The following SYN3 variants were observed in gnomAD, a reference collection of about 807,000 sequenced individuals.
The protein encoded by SYN3 is synapsin III, also known as synapsin-3.
Under a neutral mutation model 65.8 loss-of-function variants are expected in SYN3, and 35 were observed. That is an observed-to-expected ratio of 0.53 (90% CI 0.41 to 0.70). SYN3 has a LOEUF of 0.70. Among genes scored for constraint, SYN3 ranks in the 30% least tolerant of loss-of-function variants. The pLI is 0.00. For synonymous variants in SYN3, 270 were observed against 292.9 expected (o/e 0.92, Z 0.80); for missense variants, 680 against 749.0 (o/e 0.91, Z 1.08).
At chr22:32,931,196 C>T (rs144244966) in intron 4 of SYN3, 194 bp downstream of exon 4, 266 of 516,518 alleles carry the variant, frequency 5.1e-4, no homozygotes, top group African/African-American at 4.5e-3. Flanking sequence ...CACTTGGGGA[C>T]ACCACAGGTG....
chr22:32,995,915 T>C (rs1477349142), intron 2 of SYN3, among the ~76,000 whole-genome samples: 1 of 152,078 alleles, frequency 6.6e-6, no homozygotes, highest in African/African-American at 2.4e-5. Context: ...CCTCCCAAAG[T>C]GCTGAGATTA....
chr22:32,831,149 G>A lies in SYN3; in HGVS notation c.711+33766C>T, dbSNP rs185456460. ...ATCAAGGTGGCAGCGTGACCCTTAT[G>A]CCTCAAGCATGTCCTTCAGGAGGGT... On this transcript the variant is annotated intron_variant, in intron 6 of 13. Transcript: ENST00000358763. Among the ~76,000 whole-genome samples, 26 of 152,270 alleles carry A rather than the reference G, an allele frequency of 1.7e-4. No homozygotes were observed. In the East Asian group the frequency reaches 3.7e-3, roughly 22 times the overall value.
intron 6 of SYN3, among the ~76,000 whole-genome samples, chr22:32,795,633 G>A (rs373616773): frequency 6.6e-6 from 1 of 152,188 alleles, no homozygotes; most frequent in Admixed American, 6.5e-5. Flanking sequence ...GTAGGCCTGG[G>A]AGAGTGTGGA....
intron 7 of SYN3, among the ~76,000 whole-genome samples, chr22:32,586,111 T>TAC (rs1322450533): frequency 2.7e-5 from 4 of 148,532 alleles, no homozygotes; most frequent in Non-Finnish European, 4.5e-5. Flanking sequence ...TATACATGTA[T>TAC]ATGTATATAT....
At position 32,541,627 on chromosome 22, in the gene SYN3, G is replaced by T. The variant is rs746046047; in HGVS notation, c.861C>A (p.Ile287=). Reference sequence around the variant, plus strand: ...GGATGCGGATGTCGTACTTGGAGTCGATGAAGGCCTCGGTGGTGGCGTAGG... The same window carrying T: ...GGATGCGGATGTCGTACTTGGAGTCTATGAAGGCCTCGGTGGTGGCGTAGG... ...AKTYATTEAF[I]DSKYDIRIQK... The change falls in exon 8 of 14, where the codon ATC becomes ATA. Residue 287 remains isoleucine, a synonymous_variant. Coordinates refer to ENST00000358763, the MANE Select transcript of SYN3 (RefSeq NM_003490.4). 1 of 1,613,984 alleles carries T rather than the reference G, an allele frequency of 6.2e-7. No homozygotes were observed. Among genetic ancestry groups the T allele is most frequent in the African/African-American group, 1.3e-5 (1 of 74,886 alleles).
At chr22:32,886,077 G>A (rs1445576249) in intron 4 of SYN3, among the ~76,000 whole-genome samples, 2 of 152,154 alleles carry the variant, frequency 1.3e-5, no homozygotes, top group African/African-American at 4.8e-5. Context: ...TATTTTCATG[G>A]ACAGCCATAT....
chr22:32,532,040 A>G (rs1003480690), intron 10 of SYN3, among the ~76,000 whole-genome samples: 4 of 150,968 alleles, frequency 2.6e-5, no homozygotes, highest in Non-Finnish European at 5.9e-5. Context: ...CCGGAGAGGT[A>G]GGGGCTCACA....
chr22:32,701,563 G>A (rs1009398237), intron 6 of SYN3, among the ~76,000 whole-genome samples: 2 of 152,132 alleles, frequency 1.3e-5, no homozygotes, highest in Admixed American at 1.3e-4. Context: ...AAAACATGAA[G>A]CTGATGAAGA....
intron 6 of SYN3, among the ~76,000 whole-genome samples, chr22:32,714,042 G>A (rs1181499343): frequency 1.3e-5 from 2 of 152,170 alleles, no homozygotes; most frequent in African/African-American, 4.8e-5. Context: ...GCTTGATTCT[G>A]TACACAGCTC....
chr22:32,928,854 T>G (rs764216147), intron 4 of SYN3, among the ~76,000 whole-genome samples: 1 of 152,254 alleles, frequency 6.6e-6, no homozygotes, highest in South Asian at 2.1e-4. Flanking sequence ...TTTCTCTCTG[T>G]GCTTCCTTCA....
rs191293675 is a variant in SYN3 at position 32,801,885 on chromosome 22, G to A, written c.711+63030C>T. The stretch of plus-strand genomic sequence containing the variant: ...GGAGGGCAGCGCGCCGGAGGCCAAG[G>A]TTGCCCCGCACGGCCCGGCGGGCGA... On this transcript the variant is annotated intron_variant, in intron 6 of 13. Coordinates refer to ENST00000358763, the MANE Select transcript of SYN3 (RefSeq NM_003490.4). This position sits in a 1 kb window ranked among gnomAD's most constrained non-coding sequence, Gnocchi z 4.7. The A allele has an allele frequency of 1.7e-3, 2,311 of 1,326,686 alleles. 21 individuals carry two copies. The African/African-American group carries it at 0.023, about 13-fold the overall frequency. The allele number at this position is 1,326,686 out of a possible 1,614,324, so 82.2% of individuals were successfully genotyped here. A position where few individuals can be genotyped will look rare whatever the true frequency, so the allele number is the denominator to read the frequency against.
chr22:32,604,604 G>GGCCAA (rs2059340274), intron 6 of SYN3, among the ~76,000 whole-genome samples: 7 of 112,230 alleles, frequency 6.2e-5, no homozygotes, highest in Non-Finnish European at 7.4e-5. Flanking sequence ...CTGAAATTCT[G>GGCCAA]TCCCTGAAAA....
intron 6 of SYN3, among the ~76,000 whole-genome samples, chr22:32,721,426 T>TCATC (rs561324782): frequency 0.017 from 2,515 of 152,110 alleles, 64 homozygotes; most frequent in African/African-American, 0.052. Flanking sequence ...CCCCCAGAAA[T>TCATC]CATCCATCCA....
chr22:32,728,311 C>A, intron 6 of SYN3, among the ~76,000 whole-genome samples: 1 of 152,166 alleles, frequency 6.6e-6, no homozygotes, highest in South Asian at 2.1e-4. Context: ...AGTTTAATTG[C>A]CTATTTCTCC....
chr22:32,915,071 A>G (rs1246237734), intron 4 of SYN3, among the ~76,000 whole-genome samples: 3 of 152,148 alleles, frequency 2.0e-5, no homozygotes, highest in Non-Finnish European at 4.4e-5. Context: ...TATTCATTCA[A>G]TGAGAACACA....
chr22:32,955,660 T>C (rs2051430974), intron 3 of SYN3, among the ~76,000 whole-genome samples: 2 of 152,286 alleles, frequency 1.3e-5, no homozygotes, highest in South Asian at 4.2e-4. Flanking sequence ...TTACCACTTG[T>C]GATGGTTAAT....
intron 7 of SYN3, among the ~76,000 whole-genome samples, chr22:32,566,121 G>A (rs1216216418): frequency 6.6e-6 from 1 of 152,060 alleles, no homozygotes; most frequent in Non-Finnish European, 1.5e-5. Context: ...GGGATTACAG[G>A]TGTGAGCCAC....
chr22:32,820,269 CGTGTGT>C (rs374591413), intron 6 of SYN3, among the ~76,000 whole-genome samples: 213 of 145,004 alleles, frequency 1.5e-3, no homozygotes, highest in African/African-American at 5.2e-3. Flanking sequence ...TGTGCGTGCG[CGTGTGT>C]GTGTGTGTGT....
chr22:32,634,548 A>T (rs921028584), intron 6 of SYN3, among the ~76,000 whole-genome samples: 2 of 152,234 alleles, frequency 1.3e-5, no homozygotes, highest in African/African-American at 4.8e-5. Flanking sequence ...ACTCAAAATC[A>T]CTAGACAGCT....
Sources: allele counts gnomAD v4.1 joint callset (sites outside exome capture counted in the v4.1 genomes callset), GRCh38; gene constraint gnomAD v4.1.1; non-coding constraint Gnocchi (gnomAD v3.1); transcripts MANE v1.5; gene names NCBI Gene and HGNC (gene_info 2026-07-23, HGNC 2026-07-21).